Variants in HDAC9 observed in about 807,000 individuals in gnomAD.
HDAC9 encodes histone deacetylase 9.
Under a neutral mutation model 139.4 loss-of-function variants are expected in HDAC9, and 41 were observed. The ratio of observed to expected loss-of-function variants is 0.29; its 90% CI spans 0.23 to 0.38. The LOEUF (loss-of-function observed/expected upper bound fraction) is 0.38. HDAC9 is among the 10% of genes least tolerant of loss of function. The pLI, the probability that HDAC9 is intolerant of heterozygous loss-of-function variation, is 1.00. For synonymous variants in HDAC9, 517 were observed against 476.2 expected (o/e 1.09, Z -1.12); for missense variants, 1,147 against 1,297.0 (o/e 0.88, Z 1.78).
At chr7:18,434,504 G>C (rs1790989773) in intron 1 of HDAC9, among the ~76,000 whole-genome samples, 1 of 152,090 alleles carries the variant, frequency 6.6e-6, no homozygotes, top group Non-Finnish European at 1.5e-5. Context: ...ATGCAACAAA[G>C]GTCTAATATC....
At chr7:18,397,278 T>C (rs890949525) in intron 1 of HDAC9, among the ~76,000 whole-genome samples, 1 of 152,126 alleles carries the variant, frequency 6.6e-6, no homozygotes, top group Non-Finnish European at 1.5e-5. Context: ...ATTGACATAT[T>C]AGCACTAAGT....
chr7:18,822,487 T>A (rs180755552), intron 17 of HDAC9, among the ~76,000 whole-genome samples: 2 of 152,296 alleles, frequency 1.3e-5, no homozygotes, highest in Admixed American at 6.5e-5. Context: ...CCCGACTAGT[T>A]GGGATTACAG....
intron 2 of HDAC9, among the ~76,000 whole-genome samples, chr7:18,511,747 C>T (rs1801569614): frequency 6.6e-6 from 1 of 152,158 alleles, no homozygotes; most frequent in African/African-American, 2.4e-5. Flanking sequence ...TATGCTTCAC[C>T]AGTCATATAT....
At chr7:18,394,329 G>A (rs2128726697) in intron 1 of HDAC9, among the ~76,000 whole-genome samples, 1 of 152,282 alleles carries the variant, frequency 6.6e-6, no homozygotes, top group South Asian at 2.1e-4. Context: ...TGCAGGTGGT[G>A]TGATTGGAAA....
At chr7:18,558,153 C>G (rs1289251558) in intron 2 of HDAC9, among the ~76,000 whole-genome samples, 2 of 152,114 alleles carry the variant, frequency 1.3e-5, no homozygotes, top group Non-Finnish European at 2.9e-5. Flanking sequence ...AATCTGTCAT[C>G]TTCTCTGATC....
chr7:18,258,330 A>C (rs117919718), intron 2 of HDAC9, among the ~76,000 whole-genome samples: 2,297 of 152,184 alleles, frequency 0.015, 26 homozygotes, highest in Non-Finnish European at 0.026. Context: ...TGTTTCTTTT[A>C]TTTATTTTTT....
chr7:18,095,026 C>T (rs1287592774), intron 1 of HDAC9, among the ~76,000 whole-genome samples: 1 of 152,052 alleles, frequency 6.6e-6, no homozygotes, highest in Non-Finnish European at 1.5e-5. Context: ...ATGAATTATC[C>T]ATAAATTGAG....
chr7:18,574,747 A>C (rs1825470154), intron 2 of HDAC9, among the ~76,000 whole-genome samples: 1 of 152,250 alleles, frequency 6.6e-6, no homozygotes, highest in South Asian at 2.1e-4. Flanking sequence ...CTGAGCATGC[A>C]CATACCCAGC....
chr7:18,421,077 C>T (rs2128752059), intron 1 of HDAC9, among the ~76,000 whole-genome samples: 1 of 152,274 alleles, frequency 6.6e-6, no homozygotes, highest in South Asian at 2.1e-4. Flanking sequence ...TGTACTATGT[C>T]CTACCTCCCC....
At chr7:18,120,298 A>G (rs1466223511) in intron 1 of HDAC9, among the ~76,000 whole-genome samples, 1 of 152,210 alleles carries the variant, frequency 6.6e-6, no homozygotes, top group Non-Finnish European at 1.5e-5. Context: ...GGCCAGTAGT[A>G]GTAAGGTTGA....
intron 17 of HDAC9, among the ~76,000 whole-genome samples, chr7:18,807,569 T>C (rs1215145796): frequency 6.6e-6 from 1 of 152,172 alleles, no homozygotes; most frequent in Non-Finnish European, 1.5e-5. Context: ...AGGCATTTAT[T>C]GCTATAAACT....
intron 2 of HDAC9, among the ~76,000 whole-genome samples, chr7:18,567,328 A>G (rs1822694308): frequency 6.6e-6 from 1 of 152,110 alleles, no homozygotes; most frequent in Non-Finnish European, 1.5e-5. Context: ...ACCCCTATAC[A>G]AGAGCATTTA....
chr7:18,318,663 A>C (rs886618678), intron 1 of HDAC9, among the ~76,000 whole-genome samples: 1 of 152,220 alleles, frequency 6.6e-6, no homozygotes, highest in African/African-American at 2.4e-5. Context: ...ATGATGATCA[A>C]TTCTTTTCTT....
At chr7:18,551,163 T>C (rs1816998469) in intron 2 of HDAC9, among the ~76,000 whole-genome samples, 1 of 152,122 alleles carries the variant, frequency 6.6e-6, no homozygotes, top group South Asian at 2.1e-4. Context: ...ATCTGGAAGG[T>C]TAGTGTTGCC....
At position 18,830,449 on chromosome 7, in the gene HDAC9, G is replaced by GT. The variant is rs201319247; in HGVS notation, c.2466+910dup. On this transcript the variant is annotated intron_variant, in intron 19 of 25. Coordinates refer to ENST00000686413, the MANE Select transcript of HDAC9 (RefSeq NM_178425.4). ...GATTTAAAGGCAAAATATGCTAAAG[G>GT]TTTTTTTTTGAAGTGCAAGCCTTAA... 1.7e-3 allele frequency among the ~76,000 whole-genome samples: 253 copies of GT among 151,496 alleles called. 2 individuals are homozygous for GT. The highest frequency in any genetic ancestry group is 5.6e-3 in the African/African-American group (230 of 41,282).
chr7:18,362,948 G>C (rs1024594886), intron 1 of HDAC9, among the ~76,000 whole-genome samples: 3 of 152,052 alleles, frequency 2.0e-5, no homozygotes, highest in Admixed American at 6.6e-5. Context: ...GAACAAAAGA[G>C]ACTTATCCCA....
intron 1 of HDAC9, among the ~76,000 whole-genome samples, chr7:18,391,562 CT>C (rs1365268210): frequency 6.6e-6 from 1 of 152,140 alleles, no homozygotes; most frequent in Non-Finnish European, 1.5e-5. Context: ...CCAGCAAAAC[CT>C]TTTGTTCACA....
chr7:18,387,678 T>C lies in HDAC9; in HGVS notation c.-42+97163T>C, dbSNP rs76969352. Among the ~76,000 whole-genome samples the C allele has an allele frequency of 9.5e-3, 1,453 of 152,336 alleles. 12 individuals are homozygous for C. Among genetic ancestry groups the C allele is most frequent in the Non-Finnish European group, 0.015 (1,024 of 68,030 alleles). On this transcript the variant is annotated intron_variant, in intron 1 of 3. Coordinates refer to the HDAC9 transcript ENST00000413509. Reference sequence around the variant, plus strand: ...AATTTTAGAAATAACTAAGGCAGTATGTACTTTTAAAAACCTTTTATTTCA... The same window carrying C: ...AATTTTAGAAATAACTAAGGCAGTACGTACTTTTAAAAACCTTTTATTTCA...
intron 1 of HDAC9, among the ~76,000 whole-genome samples, chr7:18,482,607 T>G (rs1475285765): frequency 6.6e-6 from 1 of 152,048 alleles, no homozygotes; most frequent in African/African-American, 2.4e-5. Context: ...GATTAAAACA[T>G]AAATTAAGAA....
Sources: allele counts gnomAD v4.1 joint callset (sites outside exome capture counted in the v4.1 genomes callset), GRCh38; gene constraint gnomAD v4.1.1; transcripts MANE v1.5; gene names NCBI Gene and HGNC (gene_info 2026-07-23, HGNC 2026-07-21).